SDK1: variants seen among roughly 807,000 people sequenced by gnomAD.
SDK1 encodes sidekick cell adhesion molecule 1.
SDK1 carries 157 observed loss-of-function variants against 245.5 expected under a neutral mutation model. The observed-to-expected ratio is 0.64, with a 90% CI of 0.56 to 0.73. SDK1 has a LOEUF of 0.73. Ranked by LOEUF, SDK1 falls within the 30% of genes least tolerant of loss-of-function variation. SDK1 has a pLI of 0.00. For missense variants in SDK1, 3,583 were observed against 3,002.3 expected (o/e 1.19, Z -4.52); for synonymous variants, 1,647 against 1,278.5 (o/e 1.29, Z -6.15).
At chr7:3,574,936 C>T (rs1198418815) in intron 1 of SDK1, among the ~76,000 whole-genome samples, 4 of 151,926 alleles carry the variant, frequency 2.6e-5, no homozygotes, top group Admixed American at 2.6e-4. Context: ...TGTGTGGGAG[C>T]CTCTTGGTAG....
chr7:3,429,146 A>G (rs1779759684), intron 1 of SDK1, among the ~76,000 whole-genome samples: 1 of 152,226 alleles, frequency 6.6e-6, no homozygotes, highest in South Asian at 2.1e-4. Context: ...TGGAGCATCT[A>G]AAATTGTTCA....
chr7:4,224,183 T>C (rs995344877), intron 40 of SDK1, among the ~76,000 whole-genome samples: 5 of 152,228 alleles, frequency 3.3e-5, no homozygotes, highest in African/African-American at 9.6e-5. Context: ...CGTTCTCACA[T>C]TGCCATAAAG....
At chr7:3,478,810 C>G (rs1781423771) in intron 1 of SDK1, among the ~76,000 whole-genome samples, 1 of 151,670 alleles carries the variant, frequency 6.6e-6, no homozygotes, top group South Asian at 2.1e-4. Context: ...AGCCTATATT[C>G]TTTTATCATT....
At chr7:4,221,198 A>G (rs755905011) in intron 39 of SDK1, 41 bp from the exon 40 acceptor site, 2 of 1,608,466 alleles carry the variant, frequency 1.2e-6, no homozygotes, top group Non-Finnish European at 1.7e-6. Context: ...TGAGCCCCGC[A>G]GGGCTGATGC....
At chr7:3,882,951 A>G (rs1781242981) in intron 5 of SDK1, among the ~76,000 whole-genome samples, 1 of 152,206 alleles carries the variant, frequency 6.6e-6, no homozygotes, top group Non-Finnish European at 1.5e-5. Flanking sequence ...AGGTAATGGA[A>G]CATTTGCCCC....
intron 36 of SDK1, among the ~76,000 whole-genome samples, chr7:4,206,325 T>A (rs907610529): frequency 3.9e-5 from 6 of 152,236 alleles, no homozygotes; most frequent in Non-Finnish European, 7.3e-5. Context: ...GGGCCCATTC[T>A]GGAGCCCCCA....
intron 28 of SDK1, among the ~76,000 whole-genome samples, chr7:4,134,192 C>G (rs1778889968): frequency 6.6e-6 from 1 of 152,190 alleles, no homozygotes; most frequent in Admixed American, 6.5e-5. Context: ...CCTATTTTCG[C>G]TTTGCCTCTT....
intron 1 of SDK1, among the ~76,000 whole-genome samples, chr7:3,538,901 C>T (rs901168217): frequency 2.6e-5 from 4 of 152,220 alleles, no homozygotes; most frequent in Non-Finnish European, 5.9e-5. Context: ...TGGTTGTCCA[C>T]ACAAAGAGGC....
intron 10 of SDK1, among the ~76,000 whole-genome samples, chr7:3,968,967 A>G (rs1224063996): frequency 6.6e-6 from 1 of 152,212 alleles, no homozygotes; most frequent in East Asian, 1.9e-4. Flanking sequence ...GGCGCATCTC[A>G]CAAGGCTGCA....
At chr7:4,017,128 T>G in intron 16 of SDK1, 43 bp from the exon 17 acceptor site, 1 of 1,550,632 alleles carries the variant, frequency 6.4e-7, no homozygotes, top group Non-Finnish European at 8.7e-7. Context: ...CGTTCCTGGG[T>G]CCAGTTATTT....
At chr7:3,495,426 T>C (rs1020596899) in intron 1 of SDK1, among the ~76,000 whole-genome samples, 28 of 151,898 alleles carry the variant, frequency 1.8e-4, no homozygotes, top group African/African-American at 6.5e-4. Flanking sequence ...ACTGGAGTAA[T>C]TTTTGTATTT....
chr7:4,037,007 T>A (rs6462543), intron 17 of SDK1, among the ~76,000 whole-genome samples: 47,719 of 152,072 alleles, frequency 0.31, 11,726 homozygotes, highest in African/African-American at 0.69. Context: ...GATACCAATA[T>A]CCTCTGCTTT....
intron 25 of SDK1, among the ~76,000 whole-genome samples, chr7:4,125,071 GGATGGATGGATGGAT>G (rs919023467): frequency 6.6e-6 from 1 of 151,030 alleles, no homozygotes; most frequent in Non-Finnish European, 1.5e-5. Flanking sequence ...ATGGGTGGAT[GGATGGATGGATGGAT>G]GATGGATGGA....
intron 4 of SDK1, among the ~76,000 whole-genome samples, chr7:3,707,772 T>C (rs920518435): frequency 6.6e-6 from 1 of 152,230 alleles, no homozygotes; most frequent in African/African-American, 2.4e-5. Context: ...ATTCTTCTTG[T>C]TGGATTCATC....
chr7:4,170,409 T>C (rs946471939), intron 32 of SDK1, among the ~76,000 whole-genome samples: 1 of 152,070 alleles, frequency 6.6e-6, no homozygotes, highest in Admixed American at 6.5e-5. Context: ...ATCGCACCCC[T>C]GCACTCCAGC....
intron 38 of SDK1, among the ~76,000 whole-genome samples, chr7:4,216,530 G>A (rs1421969416): frequency 1.3e-5 from 2 of 152,254 alleles, no homozygotes; most frequent in Admixed American, 6.5e-5. Flanking sequence ...ACCTCCACAT[G>A]ACTTTCAATA....
At chr7:3,822,037 AT>A (rs1018116721) in intron 5 of SDK1, among the ~76,000 whole-genome samples, 1 of 152,174 alleles carries the variant, frequency 6.6e-6, no homozygotes, top group Non-Finnish European at 1.5e-5. Context: ...TCAGTTGATC[AT>A]TTTTTCCACC....
chr7:3,958,091 C>G (rs1436304436), intron 7 of SDK1: 1 of 448,582 alleles, frequency 2.2e-6, no homozygotes, highest in Non-Finnish European at 4.6e-6. Flanking sequence ...GCCAAGCTAT[C>G]TTATCCACAT....
chr7:4,196,962 C>A (rs74808138), intron 35 of SDK1, among the ~76,000 whole-genome samples: 5,156 of 152,298 alleles, frequency 0.034, 105 homozygotes, highest in South Asian at 0.05. Flanking sequence ...GGAATGAGAC[C>A]GTCTAGGCTT....
Sources: gnomAD v4.1 joint callset for allele counts (sites outside exome capture counted in the v4.1 genomes callset) on GRCh38, gnomAD v4.1.1 for gene constraint, MANE v1.5 for transcripts, NCBI Gene and HGNC (gene_info 2026-07-23, HGNC 2026-07-21) for gene names.